NKAIN2: variants seen among roughly 807,000 people sequenced by gnomAD.
The protein encoded by NKAIN2 is sodium/potassium-transporting ATPase subunit beta-1-interacting protein 2.
Under a neutral mutation model 32.6 loss-of-function variants are expected in NKAIN2, and 14 were observed. The observed-to-expected ratio is 0.43, with a 90% CI of 0.28 to 0.67. The LOEUF is 0.67. Ranked by LOEUF, NKAIN2 falls within the 30% of genes least tolerant of loss-of-function variation. The pLI is 0.17. For missense variants in NKAIN2, 198 were observed against 258.3 expected, an observed-to-expected ratio of 0.77 and a Z score of 1.60; for synonymous variants, 80 against 87.2, an observed-to-expected ratio of 0.92 and a Z score of 0.46.
chr6:123,820,039 C>T (rs1252446372), intron 1 of NKAIN2, among the ~76,000 whole-genome samples: 1 of 152,198 alleles, frequency 6.6e-6, no homozygotes, highest in Non-Finnish European at 1.5e-5. Flanking sequence ...TGAGATGTCA[C>T]ATTTAAGTCC....
chr6:124,199,880 G>T (rs1387866567), intron 1 of NKAIN2, among the ~76,000 whole-genome samples: 1 of 152,034 alleles, frequency 6.6e-6, no homozygotes, highest in African/African-American at 2.4e-5. Context: ...ACCTAAACTT[G>T]GAGAAACAAA....
At position 124,141,107 on chromosome 6, in the gene NKAIN2, A is replaced by G. The variant is rs565191845; in HGVS notation, c.55-141898A>G. Among the ~76,000 whole-genome samples, 39 of 152,306 alleles carry G rather than the reference A, an allele frequency of 2.6e-4. No homozygotes were observed. The East Asian group carries it at 7.3e-3, about 29-fold the overall frequency. On this transcript the variant is annotated intron_variant, in intron 1 of 6. Coordinates refer to ENST00000368417, the MANE Select transcript of NKAIN2 (RefSeq NM_001040214.3). ...GCCAGGGATCACAGGAAATTAGGCC[A>G]CTAGAAGAACTGGCCCTCCCCAACC...
At chr6:124,705,192 CAG>C (rs1210055013) in intron 4 of NKAIN2, among the ~76,000 whole-genome samples, 2 of 151,944 alleles carry the variant, frequency 1.3e-5, no homozygotes, top group East Asian at 3.9e-4. Context: ...TCTGGATGCA[CAG>C]AGTTTTCTAT....
chr6:124,308,021 C>T (rs1393694277), intron 2 of NKAIN2, among the ~76,000 whole-genome samples: 1 of 151,992 alleles, frequency 6.6e-6, no homozygotes, highest in East Asian at 1.9e-4. Context: ...ATGTGTAGAA[C>T]GTGTAGGTTT....
At chr6:124,340,516 C>A (rs1798071808) in intron 2 of NKAIN2, among the ~76,000 whole-genome samples, 1 of 151,956 alleles carries the variant, frequency 6.6e-6, no homozygotes, top group Non-Finnish European at 1.5e-5. Flanking sequence ...TTTTCTGCTC[C>A]TCTCCCTCCT....
intron 1 of NKAIN2, among the ~76,000 whole-genome samples, chr6:124,166,902 GC>G (rs1217309816): frequency 1.3e-5 from 2 of 148,176 alleles, no homozygotes; most frequent in African/African-American, 5.0e-5. Flanking sequence ...CCAGTACCAT[GC>G]TGTTTTGGTT....
At chr6:124,114,518 T>C (rs1785522241) in intron 1 of NKAIN2, among the ~76,000 whole-genome samples, 1 of 152,004 alleles carries the variant, frequency 6.6e-6, no homozygotes, top group Admixed American at 6.6e-5. Context: ...CAGGGAAATA[T>C]CTATTTGAAA....
At chr6:124,186,269 A>G (rs1356142140) in intron 1 of NKAIN2, among the ~76,000 whole-genome samples, 2 of 151,956 alleles carry the variant, frequency 1.3e-5, no homozygotes, top group Non-Finnish European at 2.9e-5. Context: ...AAGAAAAGAA[A>G]AGGAGAAAGA....
chr6:124,342,548 C>G (rs1312458165), intron 2 of NKAIN2, among the ~76,000 whole-genome samples: 1 of 151,840 alleles, frequency 6.6e-6, no homozygotes, highest in East Asian at 1.9e-4. Context: ...TGCTCTGTCA[C>G]CCAGGCTGAA....
intron 1 of NKAIN2, among the ~76,000 whole-genome samples, chr6:124,083,216 A>C (rs1015130871): frequency 2.6e-5 from 4 of 151,930 alleles, no homozygotes; most frequent in Non-Finnish European, 4.4e-5. Context: ...CTTTGGACTT[A>C]ACATCACTGA....
intron 3 of NKAIN2, among the ~76,000 whole-genome samples, 187 bp downstream of exon 3, chr6:124,355,534 CT>C: frequency 7.0e-6 from 1 of 142,182 alleles, no homozygotes; most frequent in Non-Finnish European, 1.6e-5. Flanking sequence ...CAAAAATGTA[CT>C]TTTTCTTAAG....
intron 2 of NKAIN2, among the ~76,000 whole-genome samples, chr6:124,312,913 CG>C (rs77506410): frequency 0.02 from 2,973 of 151,996 alleles, 50 homozygotes; most frequent in East Asian, 0.085. Flanking sequence ...GACAGAAAAG[CG>C]GGAGGAAATT....
chr6:124,522,435 G>A (rs2114799482), intron 3 of NKAIN2, among the ~76,000 whole-genome samples: 1 of 152,288 alleles, frequency 6.6e-6, no homozygotes, highest in Non-Finnish European at 1.5e-5. Context: ...TCCTTCACGA[G>A]TAGATGTATC....
chr6:124,239,950 C>G (rs763915145), intron 1 of NKAIN2, among the ~76,000 whole-genome samples: 1 of 152,050 alleles, frequency 6.6e-6, no homozygotes, highest in Non-Finnish European at 1.5e-5. Flanking sequence ...ATCAATGAAT[C>G]CAGGAGCTGG....
chr6:124,046,460 A>G (rs913422480), intron 1 of NKAIN2, among the ~76,000 whole-genome samples: 15 of 152,018 alleles, frequency 9.9e-5, no homozygotes, highest in African/African-American at 3.6e-4. Context: ...CCGATAAATA[A>G]ACTTATTTAA....
chr6:124,460,032 T>G (rs1420571314), intron 3 of NKAIN2, among the ~76,000 whole-genome samples: 1 of 151,760 alleles, frequency 6.6e-6, no homozygotes, highest in Non-Finnish European at 1.5e-5. Context: ...AGCTATATAT[T>G]CTATTTGTAG....
At chr6:124,760,262 T>C (rs1327279880) in intron 4 of NKAIN2, among the ~76,000 whole-genome samples, 1 of 151,436 alleles carries the variant, frequency 6.6e-6, no homozygotes, top group Non-Finnish European at 1.5e-5. Context: ...AGCAGGAGGA[T>C]GGGAGGAGGG....
intron 3 of NKAIN2, among the ~76,000 whole-genome samples, chr6:124,592,917 T>C (rs974548148): frequency 6.6e-6 from 1 of 152,172 alleles, no homozygotes; most frequent in Non-Finnish European, 1.5e-5. Flanking sequence ...TAGCTGTTTT[T>C]CCATTGCAGT....
chr6:124,390,568 G>T (rs992835068), intron 3 of NKAIN2, among the ~76,000 whole-genome samples: 1 of 152,102 alleles, frequency 6.6e-6, no homozygotes, highest in Non-Finnish European at 1.5e-5. Context: ...GTACCAATTT[G>T]AAGGTTAGAG....
Sources: gnomAD v4.1 joint callset for allele counts (sites outside exome capture counted in the v4.1 genomes callset) on GRCh38, gnomAD v4.1.1 for gene constraint, MANE v1.5 for transcripts, NCBI Gene and HGNC (gene_info 2026-07-23, HGNC 2026-07-21) for gene names.